The following CADM1 variants were observed in gnomAD, a reference collection of about 807,000 sequenced individuals.
CADM1 encodes the protein cell adhesion molecule 1, also known as TSLC-1.
In CADM1, 15 loss-of-function variants were observed where a neutral mutation model predicts 53.1. The ratio of observed to expected loss-of-function variants is 0.28; its 90% confidence interval spans 0.19 to 0.44. CADM1 has a LOEUF of 0.44. Among genes scored for constraint, CADM1 ranks in the 20% least tolerant of loss-of-function variants. The probability of loss-of-function intolerance (pLI) is 1.00; values close to 1 mark genes in which losing one functional copy is unlikely to be tolerated. For missense variants in CADM1, 434 were observed against 611.3 expected, an observed-to-expected ratio of 0.71 and a Z score of 3.06; for synonymous variants, 281 against 243.0, an observed-to-expected ratio of 1.16 and a Z score of -1.45.
At chr11:115,311,836 A>C (rs1419013954) in intron 1 of CADM1, among the ~76,000 whole-genome samples, 1 of 152,180 alleles carries the variant, frequency 6.6e-6, no homozygotes, top group Non-Finnish European at 1.5e-5. Flanking sequence ...GATTAATCAG[A>C]TGAGCAGTGA....
intron 1 of CADM1, among the ~76,000 whole-genome samples, chr11:115,290,855 A>G (rs1002588059): frequency 6.6e-6 from 1 of 152,222 alleles, no homozygotes; most frequent in African/African-American, 2.4e-5. Flanking sequence ...AAAAAACTCT[A>G]TATTTAAATA....
At chr11:115,386,339 T>C (rs1472247799) in intron 1 of CADM1, among the ~76,000 whole-genome samples, 2 of 152,268 alleles carry the variant, frequency 1.3e-5, no homozygotes, top group Non-Finnish European at 2.9e-5. Context: ...TCAGCCTTTA[T>C]ATTAAATGTA....
intron 1 of CADM1, among the ~76,000 whole-genome samples, chr11:115,482,023 A>G (rs1949267892): frequency 6.6e-6 from 1 of 152,140 alleles, no homozygotes; most frequent in African/African-American, 2.4e-5. Flanking sequence ...CTCCAGCTTC[A>G]TATTTTGGTG....
intron 7 of CADM1, among the ~76,000 whole-genome samples, chr11:115,211,078 G>A (rs1940934533): frequency 6.6e-6 from 1 of 152,170 alleles, no homozygotes; most frequent in Non-Finnish European, 1.5e-5. Context: ...GGTAAAAATG[G>A]TTAAGTTAGT....
chr11:115,237,442 T>C (rs1942048957), intron 3 of CADM1, among the ~76,000 whole-genome samples: 1 of 152,170 alleles, frequency 6.6e-6, no homozygotes, highest in African/African-American at 2.4e-5. Context: ...TAAAAAAAAT[T>C]TCCCTTCTAC....
chr11:115,417,139 A>G (rs1565416783), intron 1 of CADM1, among the ~76,000 whole-genome samples: 1 of 152,174 alleles, frequency 6.6e-6, no homozygotes, highest in Non-Finnish European at 1.5e-5. Context: ...ATAGATTTCA[A>G]CTCACTTGAA....
At chr11:115,232,116 G>A (rs1282087788) in intron 3 of CADM1, among the ~76,000 whole-genome samples, 1 of 152,076 alleles carries the variant, frequency 6.6e-6, no homozygotes, top group African/African-American at 2.4e-5. Flanking sequence ...CCAGAAAGTA[G>A]ATATAAAAGG....
chr11:115,338,388 AT>A (rs1945323744), intron 1 of CADM1, among the ~76,000 whole-genome samples: 1 of 152,172 alleles, frequency 6.6e-6, no homozygotes, highest in Non-Finnish European at 1.5e-5. Context: ...CTGTTTAAAT[AT>A]TTGCCTAATA....
chr11:115,382,447 G>C (rs931117043), intron 1 of CADM1, among the ~76,000 whole-genome samples: 2 of 152,122 alleles, frequency 1.3e-5, no homozygotes, highest in African/African-American at 4.8e-5. Context: ...CCCCAAGTAA[G>C]AGTTCAGAAA....
At chr11:115,278,172 A>G (rs1316266197) in intron 1 of CADM1, among the ~76,000 whole-genome samples, 1 of 150,982 alleles carries the variant, frequency 6.6e-6, no homozygotes, top group Non-Finnish European at 1.5e-5. Flanking sequence ...TGTGCACTGT[A>G]ATAAAGGGAA....
intron 1 of CADM1, among the ~76,000 whole-genome samples, chr11:115,447,879 G>T (rs1948486634): frequency 6.6e-6 from 1 of 152,294 alleles, no homozygotes; most frequent in Middle Eastern, 3.4e-3. Context: ...ATACTACCTG[G>T]ATCTCAGCTT....
chr11:115,363,244 C>G (rs559499197), intron 1 of CADM1, among the ~76,000 whole-genome samples: 1 of 152,284 alleles, frequency 6.6e-6, no homozygotes, highest in African/African-American at 2.4e-5. Context: ...ATTCAAGCAC[C>G]AGTGACCTTA....
At chr11:115,288,998 GA>G (rs1943804747) in intron 1 of CADM1, among the ~76,000 whole-genome samples, 1 of 152,118 alleles carries the variant, frequency 6.6e-6, no homozygotes, top group South Asian at 2.1e-4. Context: ...GGAACATGTT[GA>G]TTTTGCTTAG....
chr11:115,185,721 A>C (rs779555903), intron 10 of CADM1, among the ~76,000 whole-genome samples: 14 of 152,226 alleles, frequency 9.2e-5, no homozygotes. Context: ...AAATGTGATC[A>C]TCTTTTCCAT....
chr11:115,335,661 C>A (rs1322049092), intron 1 of CADM1, among the ~76,000 whole-genome samples: 1 of 152,064 alleles, frequency 6.6e-6, no homozygotes, highest in African/African-American at 2.4e-5. Context: ...TTGAATGGAT[C>A]TTTTAGCCAC....
chr11:115,204,081 A>C (rs2134705950), intron 8 of CADM1, among the ~76,000 whole-genome samples: 1 of 152,364 alleles, frequency 6.6e-6, no homozygotes, highest in African/African-American at 2.4e-5. Flanking sequence ...AGTAGATGTC[A>C]ACTCTAGAGA....
At chr11:115,361,182 T>C (rs1008529042) in intron 1 of CADM1, among the ~76,000 whole-genome samples, 2 of 152,156 alleles carry the variant, frequency 1.3e-5, no homozygotes, top group East Asian at 1.9e-4. Flanking sequence ...ACATACAACA[T>C]TGAATCACCG....
chr11:115,279,762 A>T (rs921895686), intron 1 of CADM1, among the ~76,000 whole-genome samples: 1 of 152,160 alleles, frequency 6.6e-6, no homozygotes. Flanking sequence ...AATATATGTA[A>T]TTTTTCACAC....
chr11:115,469,898 C>G (rs1948976657), intron 1 of CADM1, among the ~76,000 whole-genome samples: 1 of 152,178 alleles, frequency 6.6e-6, no homozygotes, highest in African/African-American at 2.4e-5. Flanking sequence ...TCTTGAACTC[C>G]TGACCTCAGG....
Sources: allele counts gnomAD v4.1 joint callset (sites outside exome capture counted in the v4.1 genomes callset), GRCh38; gene constraint gnomAD v4.1.1; transcripts MANE v1.5; gene names NCBI Gene and HGNC (gene_info 2026-07-23, HGNC 2026-07-21).